The following PDS5A variants were observed in gnomAD, a reference collection of about 807,000 sequenced individuals.
PDS5A encodes the protein PDS5 cohesin associated factor A.
Under a neutral mutation model 167.1 loss-of-function variants are expected in PDS5A, and 42 were observed. The observed-to-expected ratio is 0.25, with a 90% CI of 0.20 to 0.33. The LOEUF is 0.33. Ranked by LOEUF, PDS5A falls within the 10% of genes least tolerant of loss-of-function variation. The probability of loss-of-function intolerance (pLI) is 1.00; values close to 1 mark genes in which losing one functional copy is unlikely to be tolerated. For missense variants in PDS5A, 1,033 were observed against 1,605.9 expected, an observed-to-expected ratio of 0.64 and a Z score of 6.10; for synonymous variants, 553 against 554.6, an observed-to-expected ratio of 1.00 and a Z score of 0.04.
chr4:39,874,626 A>G (rs1560445472), intron 19 of PDS5A, among the ~76,000 whole-genome samples: 1 of 152,196 alleles, frequency 6.6e-6, no homozygotes, highest in Non-Finnish European at 1.5e-5. Flanking sequence ...CTACTTCAGG[A>G]GACAATTTTT....
rs186721963 is a variant in PDS5A at position 39,916,328 on chromosome 4, T to C, written c.876+720A>G. ...TACTTGCTCAGTTGTCTATAAAAAA[T>C]AGATATACTATTTTTAGGACAGTCA... On this transcript the variant is annotated intron_variant, in intron 8 of 32. Transcript: ENST00000303538. Among the ~76,000 whole-genome samples, 662 of 152,304 alleles carry C rather than the reference T, an allele frequency of 4.3e-3. 6 individuals are homozygous for C. The highest frequency in any genetic ancestry group is 4.6e-3 in the Non-Finnish European group (316 of 68,020).
chr4:39,849,156 T>C (rs1213268134), intron 27 of PDS5A, among the ~76,000 whole-genome samples, 186 bp from the exon 28 acceptor site: 2 of 152,170 alleles, frequency 1.3e-5, no homozygotes, highest in Non-Finnish European at 2.9e-5. Flanking sequence ...TCCCTCTATA[T>C]GAATTTAACA....
intron 2 of PDS5A, among the ~76,000 whole-genome samples, chr4:39,945,334 G>A (rs540325955): frequency 6.6e-6 from 1 of 151,596 alleles, no homozygotes; most frequent in Non-Finnish European, 1.5e-5. Context: ...GGTGGCAGGC[G>A]CCTATAGTTC....
intron 3 of PDS5A, among the ~76,000 whole-genome samples, chr4:39,927,597 A>G (rs1456712291): frequency 6.6e-6 from 1 of 152,208 alleles, no homozygotes; most frequent in African/African-American, 2.4e-5. Flanking sequence ...TTATAGGGGA[A>G]AATAGTCATA....
intron 2 of PDS5A, among the ~76,000 whole-genome samples, chr4:39,970,969 G>C (rs991762507): frequency 6.6e-6 from 1 of 150,810 alleles, no homozygotes; most frequent in African/African-American, 2.5e-5. Context: ...ATAGGTTTTT[G>C]TCATGTTGCC....
At chr4:39,960,269 AAAAAAC>A (rs1404603523) in intron 2 of PDS5A, among the ~76,000 whole-genome samples, 8 of 152,128 alleles carry the variant, frequency 5.3e-5, no homozygotes, top group African/African-American at 1.9e-4. Flanking sequence ...ACTCTGTCTC[AAAAAAC>A]AAAAACAAAA....
chr4:39,975,276 T>C (rs1350962902), intron 2 of PDS5A, among the ~76,000 whole-genome samples: 1 of 152,118 alleles, frequency 6.6e-6, no homozygotes, highest in East Asian at 1.9e-4. Context: ...ACTGTTGTCT[T>C]ATTCCTTCCA....
chr4:39,955,054 TATAA>T (rs1035383435), intron 2 of PDS5A, among the ~76,000 whole-genome samples: 1 of 151,088 alleles, frequency 6.6e-6, no homozygotes, highest in African/African-American at 2.4e-5. Context: ...AAACAAAAAA[TATAA>T]ATAAATAAAT....
At chr4:39,938,701 G>A (rs1188614656) in intron 2 of PDS5A, among the ~76,000 whole-genome samples, 1 of 152,152 alleles carries the variant, frequency 6.6e-6, no homozygotes, top group Non-Finnish European at 1.5e-5. Context: ...GCCAGGCGCA[G>A]TAGCTCATGC....
At chr4:39,941,611 G>C (rs535318041) in intron 2 of PDS5A, among the ~76,000 whole-genome samples, 4 of 152,302 alleles carry the variant, frequency 2.6e-5, no homozygotes, top group East Asian at 1.9e-4. Context: ...CATTAGAATT[G>C]AAAGTCCACC....
In PDS5A at chr4:39,930,246, A is replaced by AAAAAAAAAAAAAATTTTTTTTT; in HGVS notation, c.139-2083_139-2082insAAAAAAAAATTTTTTTTTTTTT. Among the ~76,000 whole-genome samples, 15 of 93,086 alleles carry AAAAAAAAAAAAAATTTTTTTTT rather than the reference A, an allele frequency of 1.6e-4. 1 individual carries two copies. Among genetic ancestry groups the AAAAAAAAAAAAAATTTTTTTTT allele is most frequent in the Non-Finnish European group, 2.0e-4 (9 of 44,470 alleles). The allele number at this position is 93,086 out of a possible 152,430, so 61.1% of individuals were successfully genotyped here. A position where few individuals can be genotyped will look rare whatever the true frequency, so the allele number is the denominator to read the frequency against. ...AAAAAAAAAAAAAAAAAAAAAAAAA[A>AAAAAAAAAAAAAATTTTTTTTT]GTTTTTTTGTTTTTTGTTTTTTTTT... is the stretch of plus-strand genomic sequence containing the variant. On this transcript the variant is annotated intron_variant, in intron 2 of 32. Coordinates refer to ENST00000303538, the MANE Select transcript of PDS5A (RefSeq NM_001100399.2).
chr4:39,899,263 C>G lies in PDS5A; in HGVS notation c.1582-438G>C, dbSNP rs529139551. 2.0e-5 allele frequency among the ~76,000 whole-genome samples: 3 copies of G among 152,232 alleles called. No individual in the cohort carries two copies. In the East Asian group the frequency reaches 5.8e-4, roughly 29 times the overall value. Reference sequence around the variant, plus strand: ...CTGTTAGCTACTTTGTGGCCCGTTACTTAAATACCTTCAGGAAAACCTCCT... The same window carrying G: ...CTGTTAGCTACTTTGTGGCCCGTTAGTTAAATACCTTCAGGAAAACCTCCT... On this transcript the variant is annotated intron_variant, in intron 14 of 32. Transcript: ENST00000303538.
At chr4:39,856,027 A>T (rs1273238361) in intron 26 of PDS5A, among the ~76,000 whole-genome samples, 1 of 152,190 alleles carries the variant, frequency 6.6e-6, no homozygotes, top group Non-Finnish European at 1.5e-5. Flanking sequence ...ACACTGAGAC[A>T]CATCAGGGTC....
rs139730084 is a variant in PDS5A at position 39,859,395 on chromosome 4, C to G, written c.3086+2824G>C. Among the ~76,000 whole-genome samples the G allele has an allele frequency of 2.0e-3, 297 of 152,276 alleles. 1 individual carries two copies. The Middle Eastern group carries it at 0.02, about 10-fold the overall frequency. On this transcript the variant is annotated intron_variant, in intron 26 of 32. Coordinates refer to ENST00000303538, the MANE Select transcript of PDS5A (RefSeq NM_001100399.2). Reference sequence around the variant, plus strand: ...TCCTGGGCTCGGGCAATCCTTCCACCTCAGCCTTCCAAGTAGCTGGGATTA... The same window carrying G: ...TCCTGGGCTCGGGCAATCCTTCCACGTCAGCCTTCCAAGTAGCTGGGATTA...
chr4:39,950,352 G>A (rs1174948547), intron 2 of PDS5A, among the ~76,000 whole-genome samples: 7 of 151,950 alleles, frequency 4.6e-5, no homozygotes, highest in South Asian at 2.1e-4. Flanking sequence ...ACTTGAACCC[G>A]GGAGGTGGAG....
At chr4:39,828,286 G>C (rs1715496099) in intron 32 of PDS5A, among the ~76,000 whole-genome samples, 1 of 152,210 alleles carries the variant, frequency 6.6e-6, no homozygotes, top group Non-Finnish European at 1.5e-5. Context: ...ACCTTTACAA[G>C]TTAAAACCTT....
At chr4:39,916,205 C>CA (rs1491346841) in intron 8 of PDS5A, among the ~76,000 whole-genome samples, 6 of 42,622 alleles carry the variant, frequency 1.4e-4, no homozygotes, top group Non-Finnish European at 3.7e-4. Flanking sequence ...AAAACAACAA[C>CA]AACAAAAAAA....
At position 39,891,419 on chromosome 4, in the gene PDS5A, C is replaced by A. The variant is rs13143682; in HGVS notation, c.1771-1055G>T. Among the ~76,000 whole-genome samples the A allele has an allele frequency of 9.3e-5, 14 of 150,828 alleles. No individual in the cohort carries two copies. The East Asian group carries it at 2.6e-3, about 28-fold the overall frequency. ...ATCCCAGCACTTTGGGAGGCTGAGG[C>A]GGGCGGATCACCTGAGGTCAGGAGT... On this transcript the variant is annotated intron_variant, in intron 16 of 32. Transcript: ENST00000303538.
At chr4:39,969,526 C>G (rs1006489493) in intron 2 of PDS5A, among the ~76,000 whole-genome samples, 1 of 151,906 alleles carries the variant, frequency 6.6e-6, no homozygotes, top group South Asian at 2.1e-4. Context: ...GTTAGCCAGG[C>G]GTGGTGGTGG....
Sources: gnomAD v4.1 joint callset for allele counts (sites outside exome capture counted in the v4.1 genomes callset) on GRCh38, gnomAD v4.1.1 for gene constraint, MANE v1.5 for transcripts, NCBI Gene and HGNC (gene_info 2026-07-23, HGNC 2026-07-21) for gene names.